The following GSK3B variants were observed in gnomAD, a reference collection of about 807,000 sequenced individuals.
The protein encoded by GSK3B is glycogen synthase kinase 3 beta.
In GSK3B, 15 loss-of-function variants were observed where a neutral mutation model predicts 56.4. The ratio of observed to expected loss-of-function variants is 0.27; its 90% confidence interval spans 0.18 to 0.41. The LOEUF is 0.41. Among genes scored for constraint, GSK3B ranks in the 10% least tolerant of loss-of-function variants. The pLI is 1.00. For synonymous variants in GSK3B, 181 were observed against 188.9 expected (o/e 0.96, Z 0.34); for missense variants, 300 against 513.4 (o/e 0.58, Z 4.02).
chr3:120,076,047 T>G (rs756467529), intron 1 of GSK3B, among the ~76,000 whole-genome samples: 4 of 152,120 alleles, frequency 2.6e-5, no homozygotes, highest in South Asian at 2.1e-4. Context: ...TGCAACAGAA[T>G]AGAGAGCCCA....
chr3:119,832,487 AAT>A (rs2055618084), intron 10 of GSK3B, among the ~76,000 whole-genome samples: 1 of 152,266 alleles, frequency 6.6e-6, no homozygotes. Flanking sequence ...AATATGCAGA[AAT>A]AGATAACACA....
chr3:120,049,302 G>A (rs933332359), intron 1 of GSK3B, among the ~76,000 whole-genome samples: 1 of 152,200 alleles, frequency 6.6e-6, no homozygotes, highest in African/African-American at 2.4e-5. Flanking sequence ...AATATTCAGT[G>A]AATGTGGCTC....
intron 1 of GSK3B, among the ~76,000 whole-genome samples, chr3:120,031,206 T>C (rs1022045915): frequency 6.6e-6 from 1 of 152,250 alleles, no homozygotes; most frequent in African/African-American, 2.4e-5. Context: ...TTGAAATATT[T>C]CTAAAACACA....
chr3:119,922,226 G>GA (rs1192044081), intron 4 of GSK3B, among the ~76,000 whole-genome samples: 15 of 105,826 alleles, frequency 1.4e-4, no homozygotes, highest in South Asian at 3.1e-4. Flanking sequence ...AGGAAGGAAG[G>GA]AGGGAAGGAA....
At chr3:119,835,662 G>A (rs1051935510) in intron 10 of GSK3B, among the ~76,000 whole-genome samples, 1 of 152,056 alleles carries the variant, frequency 6.6e-6, no homozygotes, top group Non-Finnish European at 1.5e-5. Context: ...AGACAAAAAT[G>A]CCTGCTTTTT....
At chr3:119,997,902 G>A (rs980370630) in intron 2 of GSK3B, among the ~76,000 whole-genome samples, 2 of 152,078 alleles carry the variant, frequency 1.3e-5, no homozygotes, top group African/African-American at 4.8e-5. Context: ...TTGGGGAAAG[G>A]TTAAGTTATA....
At chr3:120,068,021 C>A (rs1204794663) in intron 1 of GSK3B, among the ~76,000 whole-genome samples, 1 of 152,146 alleles carries the variant, frequency 6.6e-6, no homozygotes, top group Non-Finnish European at 1.5e-5. Flanking sequence ...ATTTGTATTT[C>A]TTTGTCTTAT....
At chr3:119,909,144 A>C (rs1351136341) in intron 6 of GSK3B, among the ~76,000 whole-genome samples, 2 of 151,978 alleles carry the variant, frequency 1.3e-5, no homozygotes, top group East Asian at 3.9e-4. Context: ...TCATCCTCCC[A>C]AGTAGCGGGG....
At chr3:119,889,851 T>C (rs2056482265) in intron 7 of GSK3B, among the ~76,000 whole-genome samples, 1 of 152,120 alleles carries the variant, frequency 6.6e-6, no homozygotes, top group African/African-American at 2.4e-5. Flanking sequence ...TGCAAGAAGT[T>C]ATACCATGCA....
intron 8 of GSK3B, among the ~76,000 whole-genome samples, chr3:119,868,365 C>A (rs2056209645): frequency 6.6e-6 from 1 of 152,128 alleles, no homozygotes; most frequent in Non-Finnish European, 1.5e-5. Context: ...GCAAAGAAGT[C>A]CTTAAATGAA....
At chr3:120,060,817 T>A (rs1211197542) in intron 1 of GSK3B, among the ~76,000 whole-genome samples, 1 of 152,098 alleles carries the variant, frequency 6.6e-6, no homozygotes, top group Non-Finnish European at 1.5e-5. Context: ...TAAATATGAG[T>A]TACTAAGTTT....
Position 120,082,330 on chromosome 3 carries a change from T to C in GSK3B, c.88+11017A>G, listed in dbSNP as rs566073824. Among the ~76,000 whole-genome samples the C allele has an allele frequency of 3.1e-4, 45 of 147,216 alleles. 1 individual carries two copies. In the Middle Eastern group the frequency reaches 0.018, roughly 58 times the overall value. On this transcript the variant is annotated intron_variant, in intron 1 of 10. Coordinates refer to ENST00000264235, the MANE Select transcript of GSK3B (RefSeq NM_001146156.2). Reference sequence around the variant, plus strand: ...CTGCACTGTCCAATACAATAACCACTAGCAACATGTAGCTAATGAACCCTT... The same window carrying C: ...CTGCACTGTCCAATACAATAACCACCAGCAACATGTAGCTAATGAACCCTT...
At chr3:119,941,464 C>A (rs575026471) in intron 3 of GSK3B, among the ~76,000 whole-genome samples, 33 of 152,200 alleles carry the variant, frequency 2.2e-4, no homozygotes, top group Non-Finnish European at 4.4e-4. Context: ...TGGAGTCAGA[C>A]TACTTGGAGC....
At chr3:119,841,830 G>A (rs2055776168) in intron 10 of GSK3B, among the ~76,000 whole-genome samples, 1 of 152,144 alleles carries the variant, frequency 6.6e-6, no homozygotes, top group Non-Finnish European at 1.5e-5. Flanking sequence ...GACTTTTCCT[G>A]AACATGAACT....
intron 7 of GSK3B, among the ~76,000 whole-genome samples, chr3:119,876,793 G>GTTA (rs1218953767): frequency 1.3e-5 from 2 of 152,088 alleles, no homozygotes; most frequent in Non-Finnish European, 2.9e-5. Flanking sequence ...AAGCAGGATT[G>GTTA]TTATTTCAAG....
At chr3:119,878,134 T>C (rs1167104550) in intron 7 of GSK3B, among the ~76,000 whole-genome samples, 1 of 152,164 alleles carries the variant, frequency 6.6e-6, no homozygotes, top group Admixed American at 6.5e-5. Flanking sequence ...AGAACTTCAT[T>C]CAAATTTTAA....
At chr3:119,971,381 T>C (rs1315516508) in intron 2 of GSK3B, among the ~76,000 whole-genome samples, 2 of 152,168 alleles carry the variant, frequency 1.3e-5, no homozygotes, top group African/African-American at 4.8e-5. Context: ...AGGTACAGTT[T>C]CATTTATACC....
chr3:119,889,619 A>G (rs984697940), intron 7 of GSK3B, among the ~76,000 whole-genome samples: 6 of 152,154 alleles, frequency 3.9e-5, no homozygotes, highest in Admixed American at 6.6e-5. Context: ...GTGGCAGTAA[A>G]AGAGGGGGAA....
intron 7 of GSK3B, among the ~76,000 whole-genome samples, chr3:119,898,173 T>A (rs943304347): frequency 6.6e-6 from 1 of 152,184 alleles, no homozygotes; most frequent in East Asian, 1.9e-4. Flanking sequence ...TATTTCATGA[T>A]AAAGTGTCAA....
Sources: allele counts gnomAD v4.1 joint callset (sites outside exome capture counted in the v4.1 genomes callset), GRCh38; gene constraint gnomAD v4.1.1; transcripts MANE v1.5; gene names NCBI Gene and HGNC (gene_info 2026-07-23, HGNC 2026-07-21).